The following BEAN1 variants were observed in gnomAD, a reference collection of about 807,000 sequenced individuals.
BEAN1 encodes protein BEAN1.
In BEAN1, 17 loss-of-function variants were observed where a neutral mutation model predicts 17.7. That is an observed-to-expected ratio of 0.96 (90% CI 0.66 to 1.44). The LOEUF (loss-of-function observed/expected upper bound fraction) is 1.44, where lower values mean the gene tolerates loss of function less well. BEAN1 is among the 40% of genes most tolerant of loss of function. BEAN1 has a pLI of 0.00. For missense variants in BEAN1, 359 were observed against 374.1 expected (o/e 0.96, Z 0.33); for synonymous variants, 142 against 151.8 (o/e 0.94, Z 0.47).
At chr16:66,442,616 G>A (rs1379614188) in intron 2 of BEAN1, among the ~76,000 whole-genome samples, 3 of 152,160 alleles carry the variant, frequency 2.0e-5, no homozygotes, top group Non-Finnish European at 2.9e-5. Context: ...TACAGTGTGT[G>A]GGTTCCAGTG....
At chr16:66,474,544 A>AAGAGGGAGGGAGGGAGGGAGGGAG (rs1963614957) in intron 3 of BEAN1, among the ~76,000 whole-genome samples, 4 of 80,136 alleles carry the variant, frequency 5.0e-5, no homozygotes, top group Admixed American at 1.3e-4. Context: ...AGGAAGAAGA[A>AAGAGGGAGGGAGGGAGGGAGGGAG]AGAGGGAGGG....
intron 2 of BEAN1, among the ~76,000 whole-genome samples, chr16:66,445,816 G>T (rs932387676): frequency 1.3e-5 from 2 of 152,130 alleles, no homozygotes; most frequent in African/African-American, 4.8e-5. Flanking sequence ...GCTGAGAAGG[G>T]ACCTGATCAT....
chr16:66,487,373 C>G (rs1290365021), downstream of BEAN1, among the ~76,000 whole-genome samples: 1 of 152,152 alleles, frequency 6.6e-6, no homozygotes, highest in Non-Finnish European at 1.5e-5. Flanking sequence ...GCCTCCCAGA[C>G]TAGGGGCCTG....
chr16:66,440,426 T>C (rs879754440), intron 2 of BEAN1, among the ~76,000 whole-genome samples: 4 of 152,330 alleles, frequency 2.6e-5, no homozygotes, highest in Non-Finnish European at 5.9e-5. Context: ...CCACAGTGCC[T>C]GGCCCCTGCT....
chr16:66,494,948 C>T (rs2142493685), downstream of BEAN1, among the ~76,000 whole-genome samples: 1 of 152,342 alleles, frequency 6.6e-6, no homozygotes, highest in South Asian at 2.1e-4. Flanking sequence ...GCAGGTGTCA[C>T]TAACCCAGGG....
At chr16:66,480,480 G>A in intron 4 of BEAN1, 106 bp from the exon 5 acceptor site, 1 of 936,620 alleles carries the variant, frequency 1.1e-6, no homozygotes, top group South Asian at 1.8e-5. Flanking sequence ...GCCCACCCTG[G>A]TCCACAGCCA....
intron 2 of BEAN1, among the ~76,000 whole-genome samples, chr16:66,464,589 CG>C (rs1394148338): frequency 6.6e-6 from 1 of 152,136 alleles, no homozygotes; most frequent in African/African-American, 2.4e-5. Flanking sequence ...GTGATCCACC[CG>C]CCTCAGCCTC....
intron 2 of BEAN1, among the ~76,000 whole-genome samples, chr16:66,443,311 T>C (rs1385043134): frequency 6.6e-6 from 1 of 152,222 alleles, no homozygotes; most frequent in East Asian, 1.9e-4. Flanking sequence ...CCTTGCTTCC[T>C]TGAAGAAGTC....
At chr16:66,450,609 T>C (rs1183732069) in intron 2 of BEAN1, among the ~76,000 whole-genome samples, 1 of 152,028 alleles carries the variant, frequency 6.6e-6, no homozygotes, top group African/African-American at 2.4e-5. Flanking sequence ...TCCCAGCTAC[T>C]TGGAAGGCAA....
intron 3 of BEAN1, among the ~76,000 whole-genome samples, chr16:66,474,561 G>GGAGGGAGA (rs1963621217): frequency 4.9e-5 from 5 of 102,406 alleles, no homozygotes; most frequent in African/African-American, 1.3e-4. Flanking sequence ...AGGGAGAGAG[G>GGAGGGAGA]GAGGGAGAGA....
At chr16:66,474,582 G>A (rs1255229408) in intron 3 of BEAN1, among the ~76,000 whole-genome samples, 11 of 20,120 alleles carry the variant, frequency 5.5e-4, no homozygotes, top group South Asian at 1.8e-3. Flanking sequence ...GGGAGGGAGA[G>A]AGGGAGGGAG....
At position 66,481,422 on chromosome 16, in the gene BEAN1, CT is replaced by C. The variant is rs1452223782; in HGVS notation, c.*498del. On this transcript the variant is annotated 3_prime_UTR_variant, in exon 5 of 5. Coordinates refer to ENST00000536005, the MANE Select transcript of BEAN1 (RefSeq NM_001178020.3). The surrounding 1 kb of genome is among the most constrained non-coding windows in gnomAD (Gnocchi z 4.1). Reference sequence around the variant, plus strand: ...CCTACCCCAGGGCCAGCTTGTCCTCCTGGGAGGCGGGACAGGCCCCAGTGAG... The same window carrying C: ...CCTACCCCAGGGCCAGCTTGTCCTCCGGGAGGCGGGACAGGCCCCAGTGAG... 1 of 395,918 alleles carries C rather than the reference CT, an allele frequency of 2.5e-6. No homozygotes were observed. Among genetic ancestry groups the C allele is most frequent in the African/African-American group, 2.1e-5 (1 of 48,614 alleles). 24.5% of individuals were successfully genotyped at this position (395,918 alleles called of 1,614,324 possible).
intron 3 of BEAN1, among the ~76,000 whole-genome samples, chr16:66,475,408 A>T (rs1048135885): frequency 6.6e-6 from 1 of 152,166 alleles, no homozygotes; most frequent in African/African-American, 2.4e-5. Context: ...AGCGCTGCCC[A>T]CCCAGTCACT....
chr16:66,448,604 C>G (rs1269484074), intron 2 of BEAN1, among the ~76,000 whole-genome samples: 1 of 151,844 alleles, frequency 6.6e-6, no homozygotes, highest in Non-Finnish European at 1.5e-5. Flanking sequence ...GGCAGATCAT[C>G]TGAGGTCAGG....
chr16:66,484,162 C>G (rs1964052800), downstream of BEAN1: 1 of 205,958 alleles, frequency 4.9e-6, no homozygotes, highest in African/African-American at 2.3e-5. This position sits in a 1 kb window ranked among gnomAD's most constrained non-coding sequence, Gnocchi z 4.2. Context: ...CTTATGTCCC[C>G]CTCTCTGTAA....
chr16:66,469,963 AG>A (rs890629789), intron 3 of BEAN1, 98 bp downstream of exon 3: 150 of 1,441,760 alleles, frequency 1.0e-4, no homozygotes, highest in Non-Finnish European at 1.3e-4. Context: ...TGGGTGGAGC[AG>A]GGTGGTCGGG....
At chr16:66,444,779 C>A (rs1294524161) in intron 2 of BEAN1, among the ~76,000 whole-genome samples, 1 of 152,114 alleles carries the variant, frequency 6.6e-6, no homozygotes, top group Non-Finnish European at 1.5e-5. Context: ...GGATTACCTG[C>A]CATGAGCGGG....
chr16:66,451,745 G>T (rs1159594961), intron 2 of BEAN1, among the ~76,000 whole-genome samples: 1 of 152,208 alleles, frequency 6.6e-6, no homozygotes, highest in Admixed American at 6.5e-5. Flanking sequence ...GACTTGCTCA[G>T]TGGGCACTGC....
intron 2 of BEAN1, among the ~76,000 whole-genome samples, chr16:66,453,909 T>C (rs1962772778): frequency 6.6e-6 from 1 of 152,112 alleles, no homozygotes; most frequent in Non-Finnish European, 1.5e-5. Flanking sequence ...AATTTTTGTA[T>C]TTTTAGTAGA....
Sources: allele counts gnomAD v4.1 joint callset (sites outside exome capture counted in the v4.1 genomes callset), GRCh38; gene constraint gnomAD v4.1.1; non-coding constraint Gnocchi (gnomAD v3.1); transcripts MANE v1.5; gene names NCBI Gene and HGNC (gene_info 2026-07-23, HGNC 2026-07-21).